Variants in HOOK1 observed in about 807,000 individuals in gnomAD.
HOOK1 encodes the protein protein Hook homolog 1.
HOOK1 carries 60 observed loss-of-function variants against 112.8 expected under a neutral mutation model. The observed-to-expected ratio is 0.53, with a 90% CI of 0.43 to 0.66. The LOEUF (loss-of-function observed/expected upper bound fraction) is 0.66, where lower values mean the gene tolerates loss of function less well. Ranked by LOEUF, HOOK1 falls within the 30% of genes least tolerant of loss-of-function variation. The probability of loss-of-function intolerance (pLI) is 0.00; values close to 1 mark genes in which losing one functional copy is unlikely to be tolerated. For synonymous variants in HOOK1, 294 were observed against 283.8 expected, an observed-to-expected ratio of 1.04 and a Z score of -0.36; for missense variants, 770 against 856.0, an observed-to-expected ratio of 0.90 and a Z score of 1.25.
rs763209205 is a variant in HOOK1 at position 59,840,395 on chromosome 1, C to A, written c.621+4C>A. ...ATGTGAAGAATTGGATATGCAGGTA[C>A]GGGAAAAAACCCTGAGCTGAGAAAA... On this transcript the variant is annotated splice_donor_region_variant and intron_variant, in intron 8 of 21. Coordinates refer to ENST00000371208, the MANE Select transcript of HOOK1 (RefSeq NM_015888.6). 1 of 1,538,702 alleles carries A rather than the reference C, an allele frequency of 6.5e-7. No homozygotes were observed. The highest frequency in any genetic ancestry group is 8.7e-7 in the Non-Finnish European group (1 of 1,145,800).
intron 6 of HOOK1, 28 bp downstream of exon 6, chr1:59,835,440 TA>T: frequency 7.7e-7 from 1 of 1,297,226 alleles, no homozygotes; most frequent in Non-Finnish European, 1.1e-6. Flanking sequence ...CCTATGAGTA[TA>T]AAAATCCTAA....
rs1373041553 is a variant in HOOK1 at position 59,814,992 on chromosome 1, T to C, written c.-126T>C. 1 of 929,538 alleles carries C rather than the reference T, an allele frequency of 1.1e-6. No individual in the cohort carries two copies. Among genetic ancestry groups the C allele is most frequent in the Admixed American group, 2.3e-5 (1 of 43,652 alleles). The allele number at this position is 929,538 out of a possible 1,614,324, so 57.6% of individuals were successfully genotyped here. ...ACAGCGCGAGGGTTCGCGCGTGAGC[T>C]GCGCGGGTCGGGCCTGGTACCGAGC... On this transcript the variant is annotated 5_prime_UTR_variant, in exon 1 of 22. Transcript: ENST00000371208.
chr1:59,856,243 C>T (rs1268381052), intron 12 of HOOK1, among the ~76,000 whole-genome samples: 1 of 150,594 alleles, frequency 6.6e-6, no homozygotes, highest in African/African-American at 2.4e-5. Context: ...CCACAACCAG[C>T]CCCTATAGTG....
chr1:59,825,453 C>A (rs2098389169), intron 2 of HOOK1, among the ~76,000 whole-genome samples: 1 of 152,082 alleles, frequency 6.6e-6, no homozygotes, highest in South Asian at 2.1e-4. Context: ...TTTGCTTATT[C>A]ATTTAGCAGA....
intron 16 of HOOK1, among the ~76,000 whole-genome samples, chr1:59,863,139 A>T (rs2098414474): frequency 6.6e-6 from 1 of 152,162 alleles, no homozygotes; most frequent in Non-Finnish European, 1.5e-5. Flanking sequence ...TCATCATTCA[A>T]CATCATTTAG....
In HOOK1 at chr1:59,858,420, C is replaced by A. The variant is rs1019285258; in HGVS notation, c.1243-8C>A. 6 of 1,587,106 alleles carry A rather than the reference C, an allele frequency of 3.8e-6. No individual in the cohort carries two copies. The Admixed American group carries it at 8.3e-5, about 22-fold the overall frequency. On this transcript the variant is annotated splice_polypyrimidine_tract_variant and splice_region_variant and intron_variant, in intron 12 of 21. Transcript: ENST00000371208. The stretch of plus-strand genomic sequence containing the variant: ...AAATACTTTGCTGATATCAACAATT[C>A]TTTTCAGAGACTAATTGAGCAGCGT...
At chr1:59,840,735 G>C (rs2098400614) in intron 8 of HOOK1, among the ~76,000 whole-genome samples, 1 of 151,984 alleles carries the variant, frequency 6.6e-6, no homozygotes, top group East Asian at 1.9e-4. Flanking sequence ...GGTAATTTAT[G>C]GAAGTATTAA....
chr1:59,843,616 A>T lies in HOOK1; in HGVS notation c.788+18A>T. 1 of 1,584,336 alleles carries T rather than the reference A, an allele frequency of 6.3e-7. No individual in the cohort carries two copies. The stretch of plus-strand genomic sequence containing the variant: ...AACTTCAGGTAGCATTTTTAATGGA[A>T]ATCATTTTATGGAGTTCTGTCTATT... On this transcript the variant is annotated intron_variant, in intron 9 of 21. Transcript: ENST00000371208.
intron 20 of HOOK1, among the ~76,000 whole-genome samples, chr1:59,869,308 C>T (rs974619177): frequency 1.3e-5 from 2 of 152,042 alleles, no homozygotes; most frequent in African/African-American, 4.8e-5. Flanking sequence ...TCTCTTGCCT[C>T]AGCCTCCCTA....
chr1:59,847,055 G>T lies in HOOK1; in HGVS notation c.799G>T (p.Ala267Ser). 6.3e-7 allele frequency: 1 copy of T among 1,593,300 alleles called. No homozygotes were observed. Among genetic ancestry groups the T allele is most frequent in the Non-Finnish European group, 8.5e-7 (1 of 1,172,554 alleles). Residue 267 changes from alanine (A) to serine (S), a missense_variant, in exon 10 of 22, where the codon GCA becomes TCA. Ala to Ser is a moderately conservative substitution (Grantham distance 99). Transcript: ENST00000371208. ...LQEENFRLEA[A>S]KDDYRVHCEE... ...TTTTATTTGTTCAAGGCTTGAAGCT[G>T]CAAAAGATGATTACCGTGTTCACTG...
intron 6 of HOOK1, 125 bp downstream of exon 6, chr1:59,835,537 G>A: frequency 1.7e-6 from 1 of 600,344 alleles, no homozygotes; most frequent in East Asian, 3.0e-5. Flanking sequence ...CCCTTAGCTA[G>A]TGGGTCTTCC....
At chr1:59,816,635 C>G (rs1195439713) in intron 1 of HOOK1, among the ~76,000 whole-genome samples, 1 of 152,056 alleles carries the variant, frequency 6.6e-6, no homozygotes, top group Non-Finnish European at 1.5e-5. Flanking sequence ...CTCTTTTAAC[C>G]AGAATTTATT....
intron 1 of HOOK1, among the ~76,000 whole-genome samples, chr1:59,817,527 C>T (rs549037089): frequency 2.0e-5 from 3 of 152,114 alleles, no homozygotes; most frequent in East Asian, 1.9e-4. Context: ...TGCCAGCAAC[C>T]GCACTGTTGA....
intron 19 of HOOK1, 26 bp from the exon 20 acceptor site, chr1:59,868,224 A>G: frequency 8.5e-7 from 1 of 1,178,488 alleles, no homozygotes; most frequent in Non-Finnish European, 1.3e-6. Flanking sequence ...ATATAAAGTG[A>G]ACATAGTATT....
At position 59,862,776 on chromosome 1, in the gene HOOK1, T is replaced by G; in HGVS notation, c.1533-8T>G. 6.3e-7 allele frequency: 1 copy of G among 1,586,808 alleles called. No individual in the cohort carries two copies. ...ACAAGTAAATGCTTATGACCCATCT[T>G]ACAATAGGCTGAGCAAAGAGCGTAT... On this transcript the variant is annotated splice_region_variant and splice_polypyrimidine_tract_variant and intron_variant, in intron 15 of 21. Transcript: ENST00000371208.
chr1:59,850,679 G>T (rs2098406691), intron 12 of HOOK1, among the ~76,000 whole-genome samples: 1 of 151,360 alleles, frequency 6.6e-6, no homozygotes, highest in African/African-American at 2.4e-5. Context: ...ATACTTTAAT[G>T]GTGTATACAT....
Position 59,874,849 on chromosome 1 carries a change from A to G in HOOK1, c.*1884A>G, listed in dbSNP as rs181358408. 5.6e-4 allele frequency: 85 copies of G among 152,616 alleles called. 1 individual carries two copies. The highest frequency in any genetic ancestry group is 2.0e-3 in the African/African-American group (85 of 41,526). The allele number at this position is 152,616 out of a possible 1,614,324, so 9.5% of individuals were successfully genotyped here. A position where few individuals can be genotyped will look rare whatever the true frequency, so the allele number is the denominator to read the frequency against. ...GGTAACTTTTTACTGAAAATACAAG[A>G]ATTTCGTACTGCATTTGCATCTCCG... On this transcript the variant is annotated 3_prime_UTR_variant, in exon 22 of 22. Transcript: ENST00000371208.
At chr1:59,857,401 G>T (rs1280556562) in intron 12 of HOOK1, among the ~76,000 whole-genome samples, 1 of 152,164 alleles carries the variant, frequency 6.6e-6, no homozygotes, top group Non-Finnish European at 1.5e-5. Context: ...TCTAACCAAG[G>T]TTTAGCAGGT....
intron 2 of HOOK1, among the ~76,000 whole-genome samples, 174 bp from the exon 3 acceptor site, chr1:59,828,606 G>T (rs1424964348): frequency 6.6e-6 from 1 of 152,028 alleles, no homozygotes; most frequent in East Asian, 1.9e-4. Context: ...TAAATTGAAG[G>T]TGCAAATAAC....
Sources: allele counts gnomAD v4.1 joint callset (sites outside exome capture counted in the v4.1 genomes callset), GRCh38; gene constraint gnomAD v4.1.1; transcripts MANE v1.5; gene names NCBI Gene and HGNC (gene_info 2026-07-23, HGNC 2026-07-21).